MECR: variants seen among roughly 807,000 people sequenced by gnomAD.
MECR encodes the protein enoyl-[acyl-carrier-protein] reductase, mitochondrial.
Under a neutral mutation model 49.1 loss-of-function variants are expected in MECR, and 37 were observed. The observed-to-expected ratio is 0.75, with a 90% CI of 0.58 to 0.99. The LOEUF (loss-of-function observed/expected upper bound fraction) is 0.99, where lower values mean the gene tolerates loss of function less well. Among genes scored for constraint, MECR ranks in the 50% least tolerant of loss-of-function variants. The probability of loss-of-function intolerance (pLI) is 0.00; values close to 1 mark genes in which losing one functional copy is unlikely to be tolerated. For missense variants in MECR, 470 were observed against 479.6 expected (o/e 0.98, Z 0.19); for synonymous variants, 198 against 191.1 (o/e 1.04, Z -0.30).
At chr1:29,227,143 T>C (rs1473839096) in intron 1 of MECR, among the ~76,000 whole-genome samples, 1 of 151,976 alleles carries the variant, frequency 6.6e-6, no homozygotes, top group Non-Finnish European at 1.5e-5. Flanking sequence ...TTTGTATTTT[T>C]AGTAGAGACA....
At chr1:29,195,896 G>A in intron 9 of MECR, 45 bp downstream of exon 9, 1 of 1,594,690 alleles carries the variant, frequency 6.3e-7, no homozygotes, top group Middle Eastern at 1.7e-4. Flanking sequence ...CCATTTTTAG[G>A]CACTGCCCTC....
chr1:29,223,066 C>G (rs923041404), intron 1 of MECR: 83 of 982,872 alleles, frequency 8.4e-5, no homozygotes, highest in Middle Eastern at 5.2e-4. Context: ...CCAAAGGAAA[C>G]AGTGGCTATG....
Position 29,201,813 on chromosome 1 carries a change from C to G in MECR, c.756+130G>C. 2 of 831,850 alleles carry G rather than the reference C, an allele frequency of 2.4e-6. No homozygotes were observed. Among genetic ancestry groups the G allele is most frequent in the South Asian group, 1.6e-5 (1 of 63,202 alleles). 51.5% of individuals were successfully genotyped at this position (831,850 alleles called of 1,614,324 possible). On this transcript the variant is annotated intron_variant, in intron 6 of 9. Coordinates refer to ENST00000263702, the MANE Select transcript of MECR (RefSeq NM_016011.5). The surrounding 1 kb of genome is among the most constrained non-coding windows in gnomAD (Gnocchi z 4.3). ...CCTGGCTAGGGGGAATGGGCTTTAA[C>G]CAACCAAGAGGCAAAGGGAGGTTTC... is the stretch of plus-strand genomic sequence containing the variant.
At chr1:29,213,314 C>T (rs1678493100) in intron 3 of MECR, among the ~76,000 whole-genome samples, 1 of 152,230 alleles carries the variant, frequency 6.6e-6, no homozygotes, top group South Asian at 2.1e-4. Flanking sequence ...CCTTCACCGC[C>T]AGGTGGGTGT....
chr1:29,219,987 C>A (rs1680365112), intron 1 of MECR, among the ~76,000 whole-genome samples: 1 of 152,118 alleles, frequency 6.6e-6, no homozygotes, highest in Non-Finnish European at 1.5e-5. Context: ...TATGTGCTAT[C>A]TCCTTGTTAG....
chr1:29,204,855 C>T (rs778637229), intron 4 of MECR, among the ~76,000 whole-genome samples: 2 of 152,242 alleles, frequency 1.3e-5, no homozygotes, highest in South Asian at 4.1e-4. Flanking sequence ...CCACCAAAGG[C>T]TCCCAGGAAC....
At chr1:29,216,168 G>A (rs745710256) in intron 2 of MECR, 32 bp from the exon 3 acceptor site, 4 of 1,612,094 alleles carry the variant, frequency 2.5e-6, no homozygotes, top group Admixed American at 3.3e-5. Context: ...GGGTCAACCA[G>A]TGATGTTTGG....
At chr1:29,214,105 A>G (rs1214863165) in intron 3 of MECR, among the ~76,000 whole-genome samples, 2 of 141,080 alleles carry the variant, frequency 1.4e-5, no homozygotes, top group Non-Finnish European at 3.0e-5. Context: ...TCTGTCGCCC[A>G]GGTTGGAGTG....
At chr1:29,179,519 G>T in the MECR span, among the ~76,000 whole-genome samples, 1 of 151,970 alleles carries the variant, frequency 6.6e-6, no homozygotes. Flanking sequence ...GTCACCACGC[G>T]TGGCTAATTA....
intron 1 of MECR, among the ~76,000 whole-genome samples, chr1:29,226,059 C>T (rs1189417924): frequency 2.7e-5 from 4 of 150,366 alleles, no homozygotes; most frequent in African/African-American, 9.8e-5. Context: ...ATCCCAGCTA[C>T]TCAGGAGGCT....
rs747542242 is a variant in MECR at position 29,194,047 on chromosome 1, G to T, written c.1097C>A (p.Ser366Tyr). ...ALEASMKPFI[S>Y]SKQILTM ...TCACATGGTGAGAATCTGCTTTGAA[G>T]ATATGAAGGGCTTCATGGAGGCTTC... Residue 366 changes from serine (S) to tyrosine (Y), a missense_variant, in exon 10 of 10, where the codon TCT becomes TAT. Physicochemically the swap from Ser to Tyr is moderately radical, Grantham distance 144. Coordinates refer to ENST00000263702, the MANE Select transcript of MECR (RefSeq NM_016011.5). 38 of 1,614,190 alleles carry T rather than the reference G, an allele frequency of 2.4e-5. 1 individual carries two copies. The South Asian group carries it at 4.2e-4, about 18-fold the overall frequency.
At chr1:29,225,706 A>AT (rs1488847667) in intron 1 of MECR, among the ~76,000 whole-genome samples, 1 of 152,104 alleles carries the variant, frequency 6.6e-6, no homozygotes, top group Non-Finnish European at 1.5e-5. Context: ...CCAAAATGCT[A>AT]TTTTTTCCCC....
the MECR span, chr1:29,181,528 C>A: frequency 1.1e-6 from 1 of 870,520 alleles, no homozygotes; most frequent in Non-Finnish European, 1.7e-6. Context: ...TATGGCGGAG[C>A]CTGGCCAGGC....
At position 29,228,210 on chromosome 1, in the gene MECR, A is replaced by AAAATAAAT. The variant is rs71025207; in HGVS notation, c.176+2513_176+2520dup. 2.6e-4 allele frequency among the ~76,000 whole-genome samples: 39 copies of AAAATAAAT among 151,862 alleles called. 1 individual carries two copies. Among genetic ancestry groups the AAAATAAAT allele is most frequent in the Admixed American group, 2.1e-3 (32 of 15,236 alleles). On this transcript the variant is annotated intron_variant, in intron 1 of 9. Coordinates refer to ENST00000263702, the MANE Select transcript of MECR (RefSeq NM_016011.5). ...GGGCAACATGGCATGATCTCATCTC[A>AAAATAAAT]AAATAAATAAATAAATAAATAAATA...
intron 7 of MECR, among the ~76,000 whole-genome samples, chr1:29,199,119 T>C (rs75350540): frequency 0.022 from 3,301 of 152,324 alleles, 50 homozygotes; most frequent in Non-Finnish European, 0.032. Flanking sequence ...TCTCTGTACC[T>C]GGTAGCTAGT....
intron 2 of MECR, 94 bp from the exon 3 acceptor site, chr1:29,216,230 C>T (rs1679373312): frequency 1.1e-5 from 17 of 1,497,042 alleles, no homozygotes; most frequent in Non-Finnish European, 1.3e-5. Context: ...CTGATCTGGG[C>T]TCTGCTTTGG....
chr1:29,221,910 C>T (rs999232951), intron 1 of MECR, among the ~76,000 whole-genome samples: 2 of 152,110 alleles, frequency 1.3e-5, no homozygotes, highest in Non-Finnish European at 2.9e-5. Context: ...GCCGTTCAGT[C>T]CTCAAAATGC....
intron 5 of MECR, among the ~76,000 whole-genome samples, chr1:29,202,881 G>T (rs1189521242): frequency 1.3e-5 from 2 of 152,190 alleles, no homozygotes; most frequent in Non-Finnish European, 2.9e-5. Context: ...TAGCTATTCA[G>T]TAAGGGCAGT....
chr1:29,214,602 T>A (rs578141373), intron 3 of MECR, among the ~76,000 whole-genome samples: 333 of 1,832 alleles, frequency 0.18, 2 homozygotes, highest in African/African-American at 0.23. Flanking sequence ...TCTCAGGTGA[T>A]CCACCACCTC....
Sources: gnomAD v4.1 joint callset for allele counts (sites outside exome capture counted in the v4.1 genomes callset) on GRCh38, gnomAD v4.1.1 for gene constraint, Gnocchi (gnomAD v3.1) non-coding constraint, MANE v1.5 for transcripts, NCBI Gene and HGNC (gene_info 2026-07-23, HGNC 2026-07-21) for gene names.